LHFPL6: variants seen among roughly 807,000 people sequenced by gnomAD.
The protein encoded by LHFPL6 is LHFPL tetraspan subfamily member 6.
In LHFPL6, 9 loss-of-function variants were observed where a neutral mutation model predicts 20.6. The observed-to-expected ratio is 0.44, with a 90% confidence interval of 0.26 to 0.76. The LOEUF is 0.76. Among genes scored for constraint, LHFPL6 ranks in the 30% least tolerant of loss-of-function variants. The pLI is 0.20. For missense variants in LHFPL6, 218 were observed against 253.5 expected (o/e 0.86, Z 0.95); for synonymous variants, 105 against 98.7 (o/e 1.06, Z -0.38).
At chr13:39,445,196 T>G (rs1414821834) in intron 2 of LHFPL6, among the ~76,000 whole-genome samples, 1 of 152,200 alleles carries the variant, frequency 6.6e-6, no homozygotes, top group Non-Finnish European at 1.5e-5. Context: ...AAACTTCTAT[T>G]GTTTATAAAT....
rs530806562 is a variant in LHFPL6 at position 39,492,600 on chromosome 13, A to G, written c.385+108232T>C. On this transcript the variant is annotated intron_variant, in intron 2 of 3. Coordinates refer to ENST00000379589, the MANE Select transcript of LHFPL6 (RefSeq NM_005780.3). ...CTTTTTTCCTGTGTGTATAATATAC[A>G]TATTTTTTCCAAAAAAAGGTAAATT... Among the ~76,000 whole-genome samples the G allele has an allele frequency of 2.6e-5, 4 of 152,268 alleles. No individual in the cohort carries two copies. In the South Asian group the frequency reaches 6.2e-4, roughly 24 times the overall value.
chr13:39,474,992 A>C (rs911937908), intron 2 of LHFPL6, among the ~76,000 whole-genome samples: 9 of 152,224 alleles, frequency 5.9e-5, no homozygotes, highest in Admixed American at 5.2e-4. Flanking sequence ...CACAGAGTCC[A>C]ATACTGCTTT....
At chr13:39,435,032 C>T (rs1407827841) in intron 2 of LHFPL6, among the ~76,000 whole-genome samples, 11 of 123,430 alleles carry the variant, frequency 8.9e-5, no homozygotes, top group East Asian at 7.1e-4. Flanking sequence ...GTCCGCAGTC[C>T]GACCTGGGCG....
At position 39,389,609 on chromosome 13, in the gene LHFPL6, C is replaced by T. The variant is rs1469464987; in HGVS notation, c.386-11083G>A. Among the ~76,000 whole-genome samples, 3 of 152,142 alleles carry T rather than the reference C, an allele frequency of 2.0e-5. No homozygotes were observed. In the East Asian group the frequency reaches 5.8e-4, roughly 29 times the overall value. On this transcript the variant is annotated intron_variant, in intron 2 of 3. Transcript: ENST00000379589. ...GGGCCAGTGTGAACAAAGCCACCTG[C>T]ACCTCTTGGGGATGGTGTGACCATC...
intron 2 of LHFPL6, among the ~76,000 whole-genome samples, chr13:39,562,415 C>CATAT (rs57863254): frequency 7.3e-5 from 4 of 54,676 alleles, no homozygotes; most frequent in African/African-American, 2.4e-4. Flanking sequence ...TACACATATA[C>CATAT]ACATATACAT....
chr13:39,374,243 A>G (rs1870230002), intron 3 of LHFPL6, among the ~76,000 whole-genome samples: 1 of 152,188 alleles, frequency 6.6e-6, no homozygotes, highest in South Asian at 2.1e-4. Context: ...ATACAACTGG[A>G]AGCCATTATC....
At chr13:39,472,886 C>G (rs906580354) in intron 2 of LHFPL6, among the ~76,000 whole-genome samples, 1 of 152,216 alleles carries the variant, frequency 6.6e-6, no homozygotes, top group Non-Finnish European at 1.5e-5. Context: ...GCTGGGATTA[C>G]AGGCGTGAGC....
chr13:39,362,828 C>G (rs546928814), intron 3 of LHFPL6, among the ~76,000 whole-genome samples: 25 of 152,290 alleles, frequency 1.6e-4, no homozygotes, highest in Admixed American at 7.8e-4. Context: ...GACACACCAG[C>G]ACGAATCATA....
chr13:39,365,465 T>A (rs1012641821), intron 3 of LHFPL6, among the ~76,000 whole-genome samples: 3 of 152,192 alleles, frequency 2.0e-5, no homozygotes, highest in African/African-American at 7.2e-5. Flanking sequence ...GCTTGTACAG[T>A]AGCTCTTGGG....
intron 2 of LHFPL6, among the ~76,000 whole-genome samples, chr13:39,434,155 T>A (rs1871890899): frequency 6.6e-6 from 1 of 152,210 alleles, no homozygotes; most frequent in Admixed American, 6.5e-5. Flanking sequence ...TTTGGGGAGA[T>A]CTTTTCTCAT....
At chr13:39,518,462 T>C (rs1301695567) in intron 2 of LHFPL6, among the ~76,000 whole-genome samples, 1 of 152,232 alleles carries the variant, frequency 6.6e-6, no homozygotes, top group Non-Finnish European at 1.5e-5. Context: ...ATGTAGAATG[T>C]GCTAGAGACT....
At chr13:39,527,315 G>A (rs1031879407) in intron 2 of LHFPL6, among the ~76,000 whole-genome samples, 1 of 152,044 alleles carries the variant, frequency 6.6e-6, no homozygotes, top group Admixed American at 6.6e-5. Flanking sequence ...TGGCCCTCAT[G>A]TGTCACCTAA....
intron 2 of LHFPL6, among the ~76,000 whole-genome samples, chr13:39,501,197 G>A (rs765262923): frequency 4.6e-5 from 7 of 152,118 alleles, no homozygotes; most frequent in East Asian, 1.9e-4. Flanking sequence ...ACAGGAAGTC[G>A]GTGTCTAAAG....
At chr13:39,390,599 A>G (rs1870682406) in intron 2 of LHFPL6, among the ~76,000 whole-genome samples, 1 of 152,182 alleles carries the variant, frequency 6.6e-6, no homozygotes, top group Non-Finnish European at 1.5e-5. Flanking sequence ...TACAATGTGC[A>G]CTATTTAGGG....
chr13:39,418,382 CTTTTTTTTT>C (rs71077297), intron 2 of LHFPL6, among the ~76,000 whole-genome samples: 1 of 129,728 alleles, frequency 7.7e-6, no homozygotes, highest in African/African-American at 3.0e-5. Flanking sequence ...TTTTTTTGGT[CTTTTTTTTT>C]TTTTTTTTTT....
intron 2 of LHFPL6, among the ~76,000 whole-genome samples, chr13:39,433,066 G>A (rs760444864): frequency 5.3e-5 from 8 of 152,194 alleles, no homozygotes; most frequent in African/African-American, 9.7e-5. Flanking sequence ...GCCTTCTGAT[G>A]CTAAAATCAA....
chr13:39,496,033 GTA>G (rs1196936251), intron 2 of LHFPL6, among the ~76,000 whole-genome samples: 5 of 152,090 alleles, frequency 3.3e-5, no homozygotes, highest in African/African-American at 1.2e-4. Context: ...CACATGGCAG[GTA>G]TTCTGTCAAT....
At chr13:39,549,586 A>G (rs187061915) in intron 2 of LHFPL6, among the ~76,000 whole-genome samples, 1 of 152,256 alleles carries the variant, frequency 6.6e-6, no homozygotes, top group Admixed American at 6.5e-5. Flanking sequence ...AAAATGGTAC[A>G]GCCACTTTGG....
chr13:39,517,183 T>C (rs943572435), intron 2 of LHFPL6, among the ~76,000 whole-genome samples: 2 of 152,234 alleles, frequency 1.3e-5, no homozygotes, highest in Non-Finnish European at 2.9e-5. Flanking sequence ...TTCTGAATTA[T>C]ATAATTAGTT....
Sources: gnomAD v4.1 joint callset for allele counts (sites outside exome capture counted in the v4.1 genomes callset) on GRCh38, gnomAD v4.1.1 for gene constraint, MANE v1.5 for transcripts, NCBI Gene and HGNC (gene_info 2026-07-23, HGNC 2026-07-21) for gene names.